The following CDH11 variants were observed in gnomAD, a reference collection of about 807,000 sequenced individuals.
The protein encoded by CDH11 is cadherin 11, also known as cadherin-11.
CDH11 carries 11 observed loss-of-function variants against 67.8 expected under a neutral mutation model. The observed-to-expected ratio is 0.16, with a 90% confidence interval of 0.10 to 0.27. CDH11 has a LOEUF of 0.27. CDH11 is among the 10% of genes least tolerant of loss of function. CDH11 has a pLI of 1.00. For missense variants in CDH11, 847 were observed against 1,031.2 expected (o/e 0.82, Z 2.45); for synonymous variants, 419 against 400.0 (o/e 1.05, Z -0.57).
intron 1 of CDH11, among the ~76,000 whole-genome samples, chr16:65,059,876 G>A (rs115288688): frequency 0.015 from 2,335 of 152,258 alleles, 53 homozygotes; most frequent in African/African-American, 0.053. Flanking sequence ...ATATCTTTGG[G>A]AAATGAATAA....
chr16:65,059,084 G>A (rs1223140427), intron 1 of CDH11, among the ~76,000 whole-genome samples: 2 of 152,040 alleles, frequency 1.3e-5, no homozygotes, highest in Non-Finnish European at 2.9e-5. Flanking sequence ...TAATCTATAA[G>A]CATTTTGCAA....
At chr16:65,111,930 T>A (rs1310526069) in intron 1 of CDH11, among the ~76,000 whole-genome samples, 2 of 151,408 alleles carry the variant, frequency 1.3e-5, no homozygotes, top group Non-Finnish European at 2.9e-5. Flanking sequence ...ATTAGCCGGG[T>A]GTGGTGGCGC....
At chr16:65,059,098 T>G (rs1345365217) in intron 1 of CDH11, among the ~76,000 whole-genome samples, 6 of 152,052 alleles carry the variant, frequency 3.9e-5, no homozygotes, top group African/African-American at 1.4e-4. Flanking sequence ...TTTGCAAAAT[T>G]TTTTTTTCAG....
chr16:65,060,216 A>T (rs2074213699), intron 1 of CDH11, among the ~76,000 whole-genome samples: 1 of 152,170 alleles, frequency 6.6e-6, no homozygotes, highest in Non-Finnish European at 1.5e-5. Flanking sequence ...ATTCCAATCT[A>T]GATTTCCCTT....
chr16:64,956,556 C>T (rs1213171769), intron 11 of CDH11, among the ~76,000 whole-genome samples: 1 of 152,182 alleles, frequency 6.6e-6, no homozygotes, highest in Non-Finnish European at 1.5e-5. Context: ...GGTTTTTGAT[C>T]TTGACACCAG....
At chr16:65,041,899 C>T (rs2073874401) in intron 2 of CDH11, among the ~76,000 whole-genome samples, 1 of 152,184 alleles carries the variant, frequency 6.6e-6, no homozygotes, top group African/African-American at 2.4e-5. Flanking sequence ...GAGTGGAGTG[C>T]TCCAGGCAAT....
At chr16:65,033,269 C>CACACACACACACAT (rs1555521192) in intron 2 of CDH11, among the ~76,000 whole-genome samples, 2 of 114,198 alleles carry the variant, frequency 1.8e-5, no homozygotes, top group Non-Finnish European at 3.8e-5. Context: ...CACACACACA[C>CACACACACACACAT]ACATACAGAT....
At chr16:64,966,122 A>C (rs1306899668) in intron 11 of CDH11, among the ~76,000 whole-genome samples, 1 of 152,128 alleles carries the variant, frequency 6.6e-6, no homozygotes, top group East Asian at 1.9e-4. Context: ...ATTATTTAAA[A>C]ATTACTTTAT....
At chr16:65,023,440 T>TCC (rs752619827) in intron 2 of CDH11, among the ~76,000 whole-genome samples, 1 of 152,158 alleles carries the variant, frequency 6.6e-6, no homozygotes, top group Non-Finnish European at 1.5e-5. Context: ...AAATTGAGGT[T>TCC]CAGCCCGGGA....
intron 2 of CDH11, among the ~76,000 whole-genome samples, chr16:65,010,599 T>G (rs968715350): frequency 2.0e-5 from 3 of 152,130 alleles, no homozygotes; most frequent in African/African-American, 7.2e-5. Flanking sequence ...CTCCAATTTC[T>G]AATACCAAAT....
At chr16:65,102,928 A>G (rs1038252414) in intron 1 of CDH11, among the ~76,000 whole-genome samples, 2 of 152,202 alleles carry the variant, frequency 1.3e-5, no homozygotes, top group East Asian at 3.8e-4. Context: ...ACTGAGCATT[A>G]TCTGTCAAGG....
rs745910479 is a variant in CDH11, at chr16:64,971,644, C to A, written c.1577G>T (p.Arg526Ile). The A allele has an allele frequency of 1.6e-5, 26 of 1,613,572 alleles. No individual in the cohort carries two copies. Reference sequence around the variant, plus strand: ...TTCAGGGGGTAGGCTGAAGATAAATCTTGGTCCATTGGCCGTGTCATCCTT... The same window carrying A: ...TTCAGGGGGTAGGCTGAAGATAAATATTGGTCCATTGGCCGTGTCATCCTT... ...DDKDDTANGP[R>I]FIFSLPPEII... The change falls in exon 11 of 13, where the codon AGA (arginine) becomes ATA (isoleucine). Residue 526 changes from arginine to isoleucine, a missense_variant. Around this residue, in one of 2 missense-constraint regions of CDH11, gnomAD observed 612 missense variants for 678.7 expected, o/e 0.90. Transcript: ENST00000268603.
chr16:65,105,484 G>C (rs775075694), intron 1 of CDH11, among the ~76,000 whole-genome samples: 25 of 152,198 alleles, frequency 1.6e-4, no homozygotes, highest in Non-Finnish European at 3.2e-4. Context: ...TGACACCTCT[G>C]CAACAGACAT....
intron 1 of CDH11, among the ~76,000 whole-genome samples, chr16:65,080,058 T>C (rs1188187146): frequency 6.6e-6 from 1 of 151,958 alleles, no homozygotes; most frequent in Non-Finnish European, 1.5e-5. Flanking sequence ...GCTTACACTA[T>C]TTTTTTTCTA....
chr16:65,122,980 T>TGGGGC (rs1329681661), upstream of CDH11, among the ~76,000 whole-genome samples: 12 of 152,164 alleles, frequency 7.9e-5, no homozygotes, highest in Admixed American at 7.8e-4. Flanking sequence ...AAGGGCCTAA[T>TGGGGC]GGGGCGCAGC....
intron 11 of CDH11, among the ~76,000 whole-genome samples, chr16:64,956,401 AG>A (rs2071512395): frequency 6.6e-6 from 1 of 152,250 alleles, no homozygotes; most frequent in Non-Finnish European, 1.5e-5. Flanking sequence ...AAAGGAGGAA[AG>A]TGAATTCTTG....
intron 5 of CDH11, 70 bp from the exon 6 acceptor site, chr16:64,992,005 A>ATTGCTTC: frequency 8.7e-7 from 1 of 1,145,780 alleles, no homozygotes; most frequent in Non-Finnish European, 1.2e-6. Context: ...AGTTCTGAGC[A>ATTGCTTC]CTGAGGAAGC....
rs1175099822 is a variant in CDH11 at position 65,121,717 on chromosome 16, C to T, written c.-298+163G>A. On this transcript the variant is annotated intron_variant, in intron 1 of 12. Transcript: ENST00000268603. This position sits in a 1 kb window ranked among gnomAD's most constrained non-coding sequence, Gnocchi z 4.1. ...CCCTTTCTGATTTTTAAACAAATCT[C>T]TCCCTCCCTTTTGCTTTGCGTTAGT... is the stretch of plus-strand genomic sequence containing the variant. Among the ~76,000 whole-genome samples the T allele has an allele frequency of 6.6e-6, 1 of 152,230 alleles. No homozygotes were observed. The highest frequency in any genetic ancestry group is 6.5e-5 in the Admixed American group (1 of 15,288).
intron 11 of CDH11, among the ~76,000 whole-genome samples, chr16:64,963,421 A>C (rs2071725979): frequency 6.6e-6 from 1 of 152,168 alleles, no homozygotes; most frequent in Admixed American, 6.5e-5. Flanking sequence ...GAGACAAAAG[A>C]CTGAAAAAAT....
Sources: allele counts gnomAD v4.1 joint callset (sites outside exome capture counted in the v4.1 genomes callset), GRCh38; gene constraint gnomAD v4.1.1; regional missense constraint gnomAD v4.1.1; non-coding constraint Gnocchi (gnomAD v3.1); transcripts MANE v1.5; gene names NCBI Gene and HGNC (gene_info 2026-07-23, HGNC 2026-07-21).